CD2AP: variants seen among roughly 807,000 people sequenced by gnomAD.
The protein encoded by CD2AP is CD2 associated protein.
CD2AP carries 46 observed loss-of-function variants against 85.1 expected under a neutral mutation model. That is an observed-to-expected ratio of 0.54 (90% CI 0.43 to 0.69). The LOEUF is 0.69. Among genes scored for constraint, CD2AP ranks in the 30% least tolerant of loss-of-function variants. The pLI is 0.00. For synonymous variants in CD2AP, 255 were observed against 252.9 expected (o/e 1.01, Z -0.08); for missense variants, 769 against 729.5 (o/e 1.05, Z -0.62).
intron 4 of CD2AP, among the ~76,000 whole-genome samples, chr6:47,549,957 G>A (rs1334930672): frequency 6.6e-6 from 1 of 152,094 alleles, no homozygotes; most frequent in African/African-American, 2.4e-5. Context: ...CAAAAAGTGG[G>A]GAAAGGACAT....
intron 5 of CD2AP, chr6:47,562,970 A>G (rs1767901528): frequency 4.0e-6 from 2 of 495,460 alleles, no homozygotes; most frequent in African/African-American, 1.9e-5. Flanking sequence ...ACTATGGCAA[A>G]GAATCTTACG....
At chr6:47,567,117 A>G (rs371337305) in intron 5 of CD2AP, among the ~76,000 whole-genome samples, 6 of 151,576 alleles carry the variant, frequency 4.0e-5, no homozygotes, top group African/African-American at 1.2e-4. Flanking sequence ...ATGCTGTTTA[A>G]CATATGGGGT....
chr6:47,515,575 G>A (rs894716522), intron 2 of CD2AP, among the ~76,000 whole-genome samples: 1 of 152,180 alleles, frequency 6.6e-6, no homozygotes, highest in Non-Finnish European at 1.5e-5. Flanking sequence ...TCTATGACAG[G>A]CCAATGCCAG....
In CD2AP at chr6:47,574,088, CACCTAT is replaced by C. The variant is rs1768232512; in HGVS notation, c.571_576del (p.Ile191_Pro192del). 6.2e-7 allele frequency: 1 copy of C among 1,613,924 alleles called. No individual in the cohort carries two copies. Among genetic ancestry groups the C allele is most frequent in the Non-Finnish European group, 8.5e-7 (1 of 1,179,960 alleles). On this transcript the variant is annotated inframe_deletion, in exon 6 of 18. Transcript: ENST00000359314. Reference sequence around the variant, plus strand: ...GAAACTGTTTTGGCTGGGCCTACTTCACCTATACCTTCTCTGGGAAATGTGAGTGAA... The same window carrying C: ...GAAACTGTTTTGGCTGGGCCTACTTCACCTTCTCTGGGAAATGTGAGTGAA...
chr6:47,561,103 GTAACTTC>G (rs1767848778), intron 5 of CD2AP, among the ~76,000 whole-genome samples: 1 of 152,194 alleles, frequency 6.6e-6, no homozygotes, highest in East Asian at 1.9e-4. Context: ...TTCCTTCAAG[GTAACTTC>G]TGTGACTTTT....
chr6:47,481,705 A>G (rs572617295), intron 1 of CD2AP, among the ~76,000 whole-genome samples: 1 of 152,282 alleles, frequency 6.6e-6, no homozygotes, highest in South Asian at 2.1e-4. Flanking sequence ...CACTTCTATA[A>G]TAGAGTGATT....
At chr6:47,478,552 C>G (rs1376854363) in intron 1 of CD2AP, among the ~76,000 whole-genome samples, 1 of 152,176 alleles carries the variant, frequency 6.6e-6, no homozygotes, top group African/African-American at 2.4e-5. Flanking sequence ...ACCCCTTGCC[C>G]AGCTAAAATC....
At chr6:47,621,397 T>G (rs550374185) in intron 17 of CD2AP, among the ~76,000 whole-genome samples, 1 of 152,368 alleles carries the variant, frequency 6.6e-6, no homozygotes, top group East Asian at 1.9e-4. Flanking sequence ...TGAAACCCAC[T>G]TGATCATGGT....
intron 3 of CD2AP, among the ~76,000 whole-genome samples, chr6:47,537,053 T>C (rs554681265): frequency 6.6e-6 from 1 of 152,328 alleles, no homozygotes; most frequent in Admixed American, 6.5e-5. Flanking sequence ...TTCATGTAGT[T>C]AATTATTTTG....
intron 5 of CD2AP, among the ~76,000 whole-genome samples, chr6:47,562,226 C>T (rs1767881884): frequency 6.6e-6 from 1 of 152,046 alleles, no homozygotes; most frequent in Admixed American, 6.5e-5. Context: ...TATTATAATT[C>T]GTGGTTTATC....
intron 2 of CD2AP, among the ~76,000 whole-genome samples, chr6:47,518,614 T>C (rs986019720): frequency 1.3e-5 from 2 of 152,252 alleles, no homozygotes; most frequent in Non-Finnish European, 2.9e-5. Flanking sequence ...AACAATGATA[T>C]ATGCCTCTTT....
intron 11 of CD2AP, among the ~76,000 whole-genome samples, chr6:47,584,217 A>G (rs1768558380): frequency 6.6e-6 from 1 of 152,110 alleles, no homozygotes; most frequent in African/African-American, 2.4e-5. Flanking sequence ...GAAGTTTTAA[A>G]TTTGATTGAA....
At chr6:47,533,210 T>G (rs1766935260) in intron 2 of CD2AP, among the ~76,000 whole-genome samples, 1 of 152,218 alleles carries the variant, frequency 6.6e-6, no homozygotes, top group South Asian at 2.1e-4. Flanking sequence ...ATAGGAGTGT[T>G]GATGGTTGCA....
chr6:47,480,699 T>C (rs1582458527), intron 1 of CD2AP, among the ~76,000 whole-genome samples: 2 of 152,342 alleles, frequency 1.3e-5, no homozygotes, highest in African/African-American at 4.8e-5. Context: ...ATTTTCATTT[T>C]CAAATGATTT....
chr6:47,611,742 TC>T (rs960087976), intron 16 of CD2AP, among the ~76,000 whole-genome samples: 1 of 152,026 alleles, frequency 6.6e-6, no homozygotes, highest in Non-Finnish European at 1.5e-5. Flanking sequence ...TCCTTCTGTC[TC>T]ATTCCTCGAT....
intron 2 of CD2AP, among the ~76,000 whole-genome samples, chr6:47,510,620 T>G (rs545184640): frequency 6.6e-6 from 1 of 152,126 alleles, no homozygotes; most frequent in Non-Finnish European, 1.5e-5. Flanking sequence ...AGCATAAGTA[T>G]ACATGAGTCC....
Position 47,576,585 on chromosome 6 carries a change from C to T in CD2AP, c.791C>T (p.Thr264Ile). Reference sequence around the variant, plus strand: ...AGTGTGGAGATAACAAAAACAGATACCGAAGGTAAAATTAAAGGTATGTTT... The same window carrying T: ...AGTGTGGAGATAACAAAAACAGATATCGAAGGTAAAATTAAAGGTATGTTT... ...TQSVEITKTDTEGKIKAKEYC... is the reference protein window; with the variant it reads ...TQSVEITKTDIEGKIKAKEYC... Residue 264 changes from threonine to isoleucine, a missense_variant, in exon 7 of 18, where the codon ACC (threonine) becomes ATC (isoleucine). Physicochemically the swap from Thr to Ile is moderately conservative, Grantham distance 89. Coordinates refer to ENST00000359314, the MANE Select transcript of CD2AP (RefSeq NM_012120.3). 1 of 1,609,980 alleles carries T rather than the reference C, an allele frequency of 6.2e-7. No homozygotes were observed. Among genetic ancestry groups the T allele is most frequent in the Non-Finnish European group, 8.5e-7 (1 of 1,176,762 alleles).
At chr6:47,587,118 T>C (rs1211424980) in intron 11 of CD2AP, among the ~76,000 whole-genome samples, 2 of 152,190 alleles carry the variant, frequency 1.3e-5, no homozygotes, top group Admixed American at 6.5e-5. Context: ...TAAATCAAAG[T>C]TCTACCCTTG....
At chr6:47,541,514 T>C (rs773518439) in intron 3 of CD2AP, among the ~76,000 whole-genome samples, 6 of 152,234 alleles carry the variant, frequency 3.9e-5, no homozygotes, top group Non-Finnish European at 8.8e-5. Flanking sequence ...GAAAAAACCT[T>C]ACACAGATGT....
Sources: allele counts gnomAD v4.1 joint callset (sites outside exome capture counted in the v4.1 genomes callset), GRCh38; gene constraint gnomAD v4.1.1; transcripts MANE v1.5; gene names NCBI Gene and HGNC (gene_info 2026-07-23, HGNC 2026-07-21).